The following C3orf49 variants were observed in gnomAD, a reference collection of about 807,000 sequenced individuals.
C3orf49 encodes the protein chromosome 3 open reading frame 49.
A neutral mutation model predicts 13.3 loss-of-function variants in C3orf49; 27 were observed. The observed-to-expected ratio is 2.02, with a 90% CI of 1.49 to 2.79. The LOEUF (loss-of-function observed/expected upper bound fraction) is 2.79, where lower values mean the gene tolerates loss of function less well. Ranked by LOEUF, C3orf49 falls within the 30% of genes most tolerant of loss-of-function variation. The pLI is 0.00. For missense variants in C3orf49, 242 were observed against 134.2 expected (o/e 1.80, Z -3.97); for synonymous variants, 87 against 47.6 (o/e 1.83, Z -3.40).
At chr3:63,821,643 C>T (rs972777209) in intron 1 of C3orf49, among the ~76,000 whole-genome samples, 4 of 151,962 alleles carry the variant, frequency 2.6e-5, no homozygotes, top group Non-Finnish European at 5.9e-5. Context: ...AATTAATACA[C>T]AAAATCTGGA....
At chr3:63,800,473 A>T in the C3orf49 span, among the ~76,000 whole-genome samples, 5 of 151,768 alleles carry the variant, frequency 3.3e-5, no homozygotes, top group Non-Finnish European at 5.9e-5. Context: ...TTAAACCTAT[A>T]ATAATAATAA....
At chr3:63,823,142 TC>T in intron 1 of C3orf49, 107 bp from the exon 2 acceptor site, 2 of 572,524 alleles carry the variant, frequency 3.5e-6, no homozygotes, top group Non-Finnish European at 3.1e-6. Context: ...ATTTTTTTTT[TC>T]TGAATTGTAT....
At chr3:63,820,004 A>G (rs1701374032) in intron 1 of C3orf49, among the ~76,000 whole-genome samples, 2 of 152,232 alleles carry the variant, frequency 1.3e-5, no homozygotes, top group African/African-American at 2.4e-5. Flanking sequence ...GGCTGCTGAA[A>G]TATGTACTAA....
intron 5 of C3orf49, chr3:63,834,279 A>C (rs1701582157): frequency 7.3e-7 from 1 of 1,372,514 alleles, no homozygotes; most frequent in African/African-American, 1.4e-5. Flanking sequence ...AAACATGTTT[A>C]TCCTTTATTA....
the C3orf49 span, among the ~76,000 whole-genome samples, chr3:63,789,544 C>T: frequency 5.9e-5 from 9 of 152,240 alleles, no homozygotes; most frequent in South Asian, 2.1e-4. Flanking sequence ...GGTGCAGTAG[C>T]TCACGCCTGT....
chr3:63,800,514 A>T, the C3orf49 span, among the ~76,000 whole-genome samples: 1 of 152,220 alleles, frequency 6.6e-6, no homozygotes, highest in South Asian at 2.1e-4. Flanking sequence ...AGTGTCTCTT[A>T]TGTGTCAAGT....
intron 5 of C3orf49, among the ~76,000 whole-genome samples, chr3:63,841,396 G>A (rs758409858): frequency 7.9e-5 from 12 of 152,112 alleles, no homozygotes; most frequent in Non-Finnish European, 1.2e-4. Context: ...TTTATAGTAC[G>A]CAGTAATTAT....
the C3orf49 span, among the ~76,000 whole-genome samples, chr3:63,812,239 G>A: frequency 6.6e-6 from 1 of 152,158 alleles, no homozygotes; most frequent in African/African-American, 2.4e-5. Flanking sequence ...AATTGTCTTG[G>A]ACCACACATA....
the C3orf49 span, among the ~76,000 whole-genome samples, chr3:63,790,716 C>G: frequency 6.6e-6 from 1 of 151,698 alleles, no homozygotes; most frequent in South Asian, 2.1e-4. Context: ...AGACGATTAA[C>G]TGCATGATTT....
chr3:63,838,504 T>A (rs200825086), intron 5 of C3orf49: 1 of 1,579,922 alleles, frequency 6.3e-7, no homozygotes, highest in Non-Finnish European at 8.5e-7. Context: ...CTATATCTAA[T>A]GAAAAAGAAA....
At chr3:63,820,094 C>T (rs1170308875) in intron 1 of C3orf49, among the ~76,000 whole-genome samples, 2 of 152,228 alleles carry the variant, frequency 1.3e-5, no homozygotes, top group African/African-American at 2.4e-5. Flanking sequence ...AATGACAAAA[C>T]CATATAGACA....
At chr3:63,816,764 C>CTT (rs757549553), upstream of C3orf49, among the ~76,000 whole-genome samples, 232 of 80,612 alleles carry the variant, frequency 2.9e-3, 4 homozygotes, top group African/African-American at 8.6e-3. Flanking sequence ...ATTTTCTTTT[C>CTT]TTTTCTTTTT....
intron 5 of C3orf49, among the ~76,000 whole-genome samples, chr3:63,842,682 A>T (rs1486696472): frequency 6.6e-6 from 1 of 152,020 alleles, no homozygotes; most frequent in Non-Finnish European, 1.5e-5. Context: ...GACATAATGG[A>T]CTCTGGAGAT....
chr3:63,793,744 T>A, the C3orf49 span, among the ~76,000 whole-genome samples: 3 of 152,188 alleles, frequency 2.0e-5, no homozygotes, highest in Admixed American at 1.3e-4. Context: ...TACCAAAATA[T>A]ATGGGCAATC....
chr3:63,782,787 G>C, the C3orf49 span: 2 of 152,132 alleles, frequency 1.3e-5, no homozygotes, highest in Non-Finnish European at 2.9e-5. Context: ...ACAATAAAAA[G>C]GCAAAGGGAA....
intron 5 of C3orf49, chr3:63,839,708 G>A (rs758992844): frequency 8.1e-5 from 131 of 1,612,730 alleles, no homozygotes; most frequent in Non-Finnish European, 1.1e-4. Context: ...TTCACTAGCA[G>A]ATTAATTCTC....
chr3:63,787,884 C>T, the C3orf49 span, among the ~76,000 whole-genome samples: 125 of 152,298 alleles, frequency 8.2e-4, no homozygotes, highest in African/African-American at 3.0e-3. Flanking sequence ...TCAAAAGGAG[C>T]CATCAGTTTT....
chr3:63,822,283 G>C (rs1701407989), intron 1 of C3orf49, among the ~76,000 whole-genome samples: 1 of 152,088 alleles, frequency 6.6e-6, no homozygotes, highest in Non-Finnish European at 1.5e-5. Context: ...CCCCCTCCCT[G>C]TATTTCTTAC....
At chr3:63,781,931 C>T in the C3orf49 span, among the ~76,000 whole-genome samples, 4 of 152,172 alleles carry the variant, frequency 2.6e-5, no homozygotes, top group East Asian at 1.9e-4. Context: ...AATTGTAAGA[C>T]ATTAGGTAAC....
Sources: allele counts gnomAD v4.1 joint callset (sites outside exome capture counted in the v4.1 genomes callset), GRCh38; gene constraint gnomAD v4.1.1; transcripts MANE v1.5; gene names NCBI Gene and HGNC (gene_info 2026-07-23, HGNC 2026-07-21).